Variants in FAM240A observed in about 807,000 individuals in gnomAD.
The protein encoded by FAM240A is family with sequence similarity 240 member A.
A neutral mutation model predicts 7.3 loss-of-function variants in FAM240A; 8 were observed. The observed-to-expected ratio is 1.09, with a 90% confidence interval of 0.64 to 1.97. FAM240A has a LOEUF of 1.97. Ranked by LOEUF, FAM240A falls within the 30% of genes most tolerant of loss-of-function variation. The pLI is 0.00. For synonymous variants in FAM240A, 32 were observed against 35.9 expected, an observed-to-expected ratio of 0.89 and a Z score of 0.38; for missense variants, 90 against 102.2, an observed-to-expected ratio of 0.88 and a Z score of 0.52.
At chr3:46,617,100 A>G in intron 1 of FAM240A, 83 bp from the exon 2 acceptor site, 1 of 952,636 alleles carries the variant, frequency 1.0e-6, no homozygotes, top group South Asian at 1.8e-5. Flanking sequence ...TGTGGTTTTA[A>G]TTTACATTTC....
At chr3:46,615,705 G>A (rs747855060) in intron 1 of FAM240A, among the ~76,000 whole-genome samples, 2 of 152,168 alleles carry the variant, frequency 1.3e-5, no homozygotes, top group African/African-American at 2.4e-5. Context: ...CAGCAGACAG[G>A]AACATCTGCA....
intron 2 of FAM240A, among the ~76,000 whole-genome samples, chr3:46,620,498 CAAA>C (rs75349231): frequency 4.0e-4 from 55 of 136,736 alleles, no homozygotes; most frequent in East Asian, 4.3e-4. Context: ...GTAGTTTTGT[CAAA>C]AAAAAAAAAA....
At chr3:46,617,161 G>C (rs941258087) in intron 1 of FAM240A, 22 bp from the exon 2 acceptor site, 5 of 1,484,604 alleles carry the variant, frequency 3.4e-6, no homozygotes, top group Non-Finnish European at 4.5e-6. Flanking sequence ...TTGGTTATTT[G>C]TATGGCTATT....
At chr3:46,616,451 C>T (rs75048420) in intron 1 of FAM240A, among the ~76,000 whole-genome samples, 1,579 of 152,262 alleles carry the variant, frequency 0.01, 28 homozygotes, top group East Asian at 0.047. Flanking sequence ...AAATAGTGTA[C>T]ATGGCACCCA....
Position 46,612,594 on chromosome 3 carries a change from T to A in FAM240A, c.-90T>A, listed in dbSNP as rs1697577790. On this transcript the variant is annotated 5_prime_UTR_variant, in exon 1 of 3. Coordinates refer to ENST00000640551, the MANE Select transcript of FAM240A (RefSeq NM_001195442.2). Reference sequence around the variant, plus strand: ...TTTGTTCTTGTTGATTTGCTGAACGTGAATTGGCTCCTGGGGCAGCACAGA... The same window carrying A: ...TTTGTTCTTGTTGATTTGCTGAACGAGAATTGGCTCCTGGGGCAGCACAGA... 1.0e-6 allele frequency: 1 copy of A among 981,780 alleles called. No homozygotes were observed. The highest frequency in any genetic ancestry group is 2.0e-5 in the Admixed American group (1 of 49,392). The allele number at this position is 981,780 out of a possible 1,614,324, so 60.8% of individuals were successfully genotyped here.
intron 2 of FAM240A, 29 bp from the exon 3 acceptor site, chr3:46,625,098 TC>T: frequency 6.8e-7 from 1 of 1,472,182 alleles, no homozygotes; most frequent in Non-Finnish European, 9.2e-7. Context: ...AAATGAATGC[TC>T]CATCTGTGTG....
chr3:46,620,483 G>A (rs772193751), intron 2 of FAM240A, among the ~76,000 whole-genome samples: 5 of 137,144 alleles, frequency 3.6e-5, no homozygotes, highest in East Asian at 4.1e-4. Flanking sequence ...TATATCACCC[G>A]TACTGTAGTT....
intron 1 of FAM240A, among the ~76,000 whole-genome samples, 174 bp from the exon 2 acceptor site, chr3:46,617,009 G>T (rs1265425956): frequency 9.1e-6 from 1 of 109,658 alleles, no homozygotes; most frequent in Non-Finnish European, 2.0e-5. Context: ...CTCTGCATCT[G>T]CACCAACACC....
At chr3:46,617,127 G>C in intron 1 of FAM240A, 56 bp from the exon 2 acceptor site, 1 of 1,172,876 alleles carries the variant, frequency 8.5e-7, no homozygotes, top group Non-Finnish European at 1.2e-6. Flanking sequence ...GATGAGTGAT[G>C]TTGAGCATTT....
rs1454359417 is a variant in FAM240A, at chr3:46,617,299, A to G, written c.132A>G (p.Glu44=). The G allele has an allele frequency of 4.6e-6, 7 of 1,534,432 alleles. No individual in the cohort carries two copies. The highest frequency in any genetic ancestry group is 2.0e-5 in the Admixed American group (1 of 50,754). ...AGACTTACTACCGAGAATCAGAGGA[A>G]CGTCGTCTGGGAAGAAGCGCACTGA... The part of the protein sequence containing the change: ...GKQTYYRESE[E]RRLGRSALRK... The change falls in exon 2 of 3, where the codon GAA becomes GAG. Residue 44 remains glutamate (E), a synonymous_variant. Coordinates refer to ENST00000640551, the MANE Select transcript of FAM240A (RefSeq NM_001195442.2).
intron 1 of FAM240A, among the ~76,000 whole-genome samples, chr3:46,614,265 A>G (rs1697603796): frequency 6.6e-6 from 1 of 152,054 alleles, no homozygotes; most frequent in African/African-American, 2.4e-5. Context: ...TCTTTTCCTA[A>G]AAGTGTATTT....
Position 46,625,290 on chromosome 3 carries a change from C to A in FAM240A, c.*72C>A. 2 of 1,150,996 alleles carry A rather than the reference C, an allele frequency of 1.7e-6. No individual in the cohort carries two copies. Among genetic ancestry groups the A allele is most frequent in the South Asian group, 2.7e-5 (2 of 73,896 alleles). 71.3% of individuals were successfully genotyped at this position (1,150,996 alleles called of 1,614,324 possible). ...ACTTTGCTAGAAGTCAGTGCAAATT[C>A]CTGAGTCCCTTTGCTATACCAATCA... is the stretch of plus-strand genomic sequence containing the variant. On this transcript the variant is annotated 3_prime_UTR_variant, in exon 3 of 3. Transcript: ENST00000640551.
rs1449770895 is a variant in FAM240A, at chr3:46,625,199, A to G, written c.233A>G (p.Lys78Arg). 6.5e-7 allele frequency: 1 copy of G among 1,533,260 alleles called. No homozygotes were observed. The highest frequency in any genetic ancestry group is 8.7e-7 in the Non-Finnish European group (1 of 1,145,334). 95.0% of individuals were successfully genotyped at this position (1,533,260 alleles called of 1,614,324 possible). ...CGGAACAATCCAGAGGACACTGAAA[A>G]GAGGACAAATGTTGGCTGAGAGCTT... ...RLRNNPEDTEKRTNVG is the reference protein window; with the variant it reads ...RLRNNPEDTERRTNVG Residue 78 changes from lysine (K) to arginine (R), a missense_variant, in exon 3 of 3, where the codon AAG becomes AGG. Physicochemically the swap from Lys to Arg is conservative, Grantham distance 26. Coordinates refer to ENST00000640551, the MANE Select transcript of FAM240A (RefSeq NM_001195442.2).
At chr3:46,621,688 T>A (rs73077567) in intron 2 of FAM240A, among the ~76,000 whole-genome samples, 8,729 of 151,696 alleles carry the variant, frequency 0.058, 290 homozygotes, top group Non-Finnish European at 0.073. Context: ...AATAGGAGGA[T>A]CACTTGAGCC....
intron 2 of FAM240A, among the ~76,000 whole-genome samples, chr3:46,619,551 A>G (rs1320532954): frequency 6.6e-6 from 1 of 152,132 alleles, no homozygotes; most frequent in Non-Finnish European, 1.5e-5. Flanking sequence ...GGTGACACAG[A>G]TGCTGCCGTC....
chr3:46,618,878 T>TAC (rs1236609584), intron 2 of FAM240A, among the ~76,000 whole-genome samples: 6 of 73,896 alleles, frequency 8.1e-5, no homozygotes, highest in South Asian at 1.0e-3. Context: ...TATATATATA[T>TAC]ATATACACAC....
intron 1 of FAM240A, among the ~76,000 whole-genome samples, chr3:46,616,875 G>C (rs1697635678): frequency 6.6e-6 from 1 of 152,176 alleles, no homozygotes; most frequent in Non-Finnish European, 1.5e-5. Context: ...TAGGTACCCA[G>C]TAGTCAGAAT....
chr3:46,612,657 A>G lies in FAM240A; in HGVS notation c.-27A>G. ...GGTCAAGTGCGACACATTTGGTTCG[A>G]CTGAATCGATGTCTTCACATCCCTT... is the stretch of plus-strand genomic sequence containing the variant. On this transcript the variant is annotated 5_prime_UTR_variant, in exon 1 of 3. Transcript: ENST00000640551. 1 of 1,534,604 alleles carries G rather than the reference A, an allele frequency of 6.5e-7. No homozygotes were observed. Among genetic ancestry groups the G allele is most frequent in the Admixed American group, 2.0e-5 (1 of 51,008 alleles).
At chr3:46,615,503 T>A (rs1697617599) in intron 1 of FAM240A, among the ~76,000 whole-genome samples, 1 of 152,070 alleles carries the variant, frequency 6.6e-6, no homozygotes, top group Non-Finnish European at 1.5e-5. Flanking sequence ...AGCAGCCCAG[T>A]TCCTCCTCCC....
Sources: gnomAD v4.1 joint callset for allele counts (sites outside exome capture counted in the v4.1 genomes callset) on GRCh38, gnomAD v4.1.1 for gene constraint, MANE v1.5 for transcripts, NCBI Gene and HGNC (gene_info 2026-07-23, HGNC 2026-07-21) for gene names.